The following TLK1 variants were observed in gnomAD, a reference collection of about 807,000 sequenced individuals.
The protein encoded by TLK1 is tousled like kinase 1, also known as serine/threonine-protein kinase tousled-like 1.
A neutral mutation model predicts 105.3 loss-of-function variants in TLK1; 24 were observed. The observed-to-expected ratio is 0.23, with a 90% CI of 0.17 to 0.32. The LOEUF is 0.32. TLK1 is among the 10% of genes least tolerant of loss of function. The pLI, the probability that TLK1 is intolerant of heterozygous loss-of-function variation, is 1.00. For missense variants in TLK1, 558 were observed against 910.5 expected (o/e 0.61, Z 4.98); for synonymous variants, 321 against 310.4 (o/e 1.03, Z -0.36).
At chr2:171,117,883 T>C in intron 1 of TLK1, 26 bp from the exon 2 acceptor site, 1 of 1,462,908 alleles carries the variant, frequency 6.8e-7, no homozygotes, top group Non-Finnish European at 9.5e-7. Context: ...AATATATATG[T>C]ACACATATAT....
At chr2:171,012,680 T>C (rs1418414545) in intron 13 of TLK1, among the ~76,000 whole-genome samples, 1 of 152,196 alleles carries the variant, frequency 6.6e-6, no homozygotes, top group African/African-American at 2.4e-5. Flanking sequence ...GGTTTCACCA[T>C]ATTGGCCAGG....
At chr2:171,180,198 G>A (rs757751506) in intron 1 of TLK1, among the ~76,000 whole-genome samples, 3 of 151,350 alleles carry the variant, frequency 2.0e-5, no homozygotes, top group South Asian at 2.1e-4. Flanking sequence ...ATGACAGAGC[G>A]AGAGCGAGAG....
intron 1 of TLK1, among the ~76,000 whole-genome samples, chr2:171,132,061 G>A (rs1032323472): frequency 9.2e-5 from 14 of 151,950 alleles, no homozygotes; most frequent in South Asian, 2.1e-4. Flanking sequence ...GTATTCGTCC[G>A]TTCTCACACT....
intron 11 of TLK1, among the ~76,000 whole-genome samples, chr2:171,036,854 G>T (rs1686366043): frequency 6.6e-6 from 1 of 152,132 alleles, no homozygotes; most frequent in African/African-American, 2.4e-5. Context: ...TAGGGTGAAT[G>T]TACTCTGCAT....
At chr2:171,089,070 C>A (rs532564660) in intron 2 of TLK1, among the ~76,000 whole-genome samples, 38 of 152,280 alleles carry the variant, frequency 2.5e-4, no homozygotes, top group African/African-American at 8.9e-4. Flanking sequence ...TTGGTAGAGA[C>A]AAGGTTTCGC....
chr2:171,161,536 A>G (rs947575579), upstream of TLK1, among the ~76,000 whole-genome samples: 1 of 152,210 alleles, frequency 6.6e-6, no homozygotes, highest in Non-Finnish European at 1.5e-5. Flanking sequence ...TCTAAAAAAG[A>G]GTGAAGAATC....
At chr2:171,204,314 T>A (rs1693459174) in intron 1 of TLK1, among the ~76,000 whole-genome samples, 1 of 152,154 alleles carries the variant, frequency 6.6e-6, no homozygotes, top group African/African-American at 2.4e-5. Context: ...GATACTAAAA[T>A]GGAACGATCT....
At chr2:171,151,710 C>G (rs963181335) in intron 1 of TLK1, among the ~76,000 whole-genome samples, 2 of 151,364 alleles carry the variant, frequency 1.3e-5, no homozygotes, top group Admixed American at 6.6e-5. Flanking sequence ...CTCCTGACCT[C>G]GTGATCCGCC....
At chr2:171,215,382 C>CA (rs1558994081) in intron 1 of TLK1, among the ~76,000 whole-genome samples, 1 of 152,162 alleles carries the variant, frequency 6.6e-6, no homozygotes, top group Non-Finnish European at 1.5e-5. Flanking sequence ...TGCTCTTCTC[C>CA]AAGTCTTGTC....
At chr2:171,004,171 C>G (rs1575503867) in intron 18 of TLK1, among the ~76,000 whole-genome samples, 2 of 152,212 alleles carry the variant, frequency 1.3e-5, no homozygotes, top group Admixed American at 6.5e-5. Flanking sequence ...CCACGTTGGC[C>G]AGGCTGGTCT....
At chr2:171,209,425 G>T (rs542064387) in intron 1 of TLK1, among the ~76,000 whole-genome samples, 1 of 152,250 alleles carries the variant, frequency 6.6e-6, no homozygotes, top group African/African-American at 2.4e-5. Context: ...AATTTATATT[G>T]TAAGTGTTTA....
intron 1 of TLK1, among the ~76,000 whole-genome samples, chr2:171,176,736 C>T (rs531412828): frequency 2.0e-5 from 3 of 152,346 alleles, no homozygotes; most frequent in Non-Finnish European, 4.4e-5. Context: ...TTGCCCTCAG[C>T]GTCCACAATG....
chr2:171,183,490 C>T (rs1024664515), intron 1 of TLK1, among the ~76,000 whole-genome samples: 3 of 152,006 alleles, frequency 2.0e-5, no homozygotes, highest in Admixed American at 2.0e-4. Context: ...TATCCTTTGT[C>T]TACTTTCCTA....
intron 1 of TLK1, among the ~76,000 whole-genome samples, chr2:171,191,673 C>T (rs920308779): frequency 2.0e-5 from 3 of 152,176 alleles, no homozygotes; most frequent in African/African-American, 7.2e-5. Context: ...TTTAAATCAT[C>T]TTACTTCTGC....
intron 2 of TLK1, among the ~76,000 whole-genome samples, chr2:171,095,547 A>G (rs974178288): frequency 1.3e-5 from 2 of 152,180 alleles, no homozygotes; most frequent in Admixed American, 1.3e-4. Flanking sequence ...GACACAAGCT[A>G]CCAAAAATGA....
chr2:171,129,514 C>T (rs567570854), intron 1 of TLK1, among the ~76,000 whole-genome samples: 2 of 152,084 alleles, frequency 1.3e-5, no homozygotes, highest in Non-Finnish European at 2.9e-5. Flanking sequence ...ATACGATCTA[C>T]CTATTAAAGC....
At chr2:171,000,669 T>C (rs1684321122) in intron 18 of TLK1, among the ~76,000 whole-genome samples, 1 of 151,970 alleles carries the variant, frequency 6.6e-6, no homozygotes, top group African/African-American at 2.4e-5. Context: ...GGGGAAGAGA[T>C]GAAAGGGGAG....
intron 3 of TLK1, among the ~76,000 whole-genome samples, chr2:171,073,738 G>C (rs1558925441): frequency 6.6e-6 from 1 of 151,638 alleles, no homozygotes; most frequent in Non-Finnish European, 1.5e-5. Context: ...TCAATATATA[G>C]TGGTGAATTA....
At chr2:171,103,320 G>A (rs920443397) in intron 2 of TLK1, among the ~76,000 whole-genome samples, 2 of 145,966 alleles carry the variant, frequency 1.4e-5, no homozygotes, top group African/African-American at 5.4e-5. Flanking sequence ...TGTCACTGAG[G>A]CTGGAGTGCA....
Sources: gnomAD v4.1 joint callset for allele counts (sites outside exome capture counted in the v4.1 genomes callset) on GRCh38, gnomAD v4.1.1 for gene constraint, MANE v1.5 for transcripts, NCBI Gene and HGNC (gene_info 2026-07-23, HGNC 2026-07-21) for gene names.